ZNF407: variants seen among roughly 807,000 people sequenced by gnomAD.
ZNF407 encodes the protein zinc finger protein 407.
A neutral mutation model predicts 131.2 loss-of-function variants in ZNF407; 17 were observed. The observed-to-expected ratio is 0.13, with a 90% CI of 0.09 to 0.19. The LOEUF is 0.19. ZNF407 is among the 10% of genes least tolerant of loss of function. The probability of loss-of-function intolerance (pLI) is 1.00; values close to 1 mark genes in which losing one functional copy is unlikely to be tolerated. For missense variants in ZNF407, 2,681 were observed against 2,830.6 expected, an observed-to-expected ratio of 0.95 and a Z score of 1.20; for synonymous variants, 1,156 against 1,062.0, an observed-to-expected ratio of 1.09 and a Z score of -1.72.
chr18:75,031,417 CT>C (rs34614367), intron 8 of ZNF407, among the ~76,000 whole-genome samples: 1 of 151,864 alleles, frequency 6.6e-6, no homozygotes, highest in African/African-American at 2.4e-5. Flanking sequence ...GAAAATGGGT[CT>C]TTTTTTTATG....
Position 74,631,779 on chromosome 18 carries a change from T to G in ZNF407, c.760T>G (p.Ser254Ala), listed in dbSNP as rs1421813012. Residue 254 changes from serine to alanine, a missense_variant, in exon 2 of 9, where the codon TCA becomes GCA. Physicochemically the swap from Ser to Ala is moderately conservative, Grantham distance 99. This residue lies in a region of ZNF407 where 1,789 missense variants were observed against 1,748.7 expected (regional missense o/e 1.02). Coordinates refer to ENST00000299687, the MANE Select transcript of ZNF407 (RefSeq NM_017757.3). ...CTGTGATCTTTGTGGTTTTCAGTGT[T>G]CAGAAGAAAACTTGTTGAATGCACA... The part of the protein sequence containing the change: ...FSCDLCGFQC[S>A]EENLLNAHYL... 1.2e-6 allele frequency: 2 copies of G among 1,614,022 alleles called. No individual in the cohort carries two copies. The highest frequency in any genetic ancestry group is 2.2e-5 in the South Asian group (2 of 91,088).
chr18:74,667,042 C>A (rs1345294625), intron 3 of ZNF407, among the ~76,000 whole-genome samples: 1 of 152,178 alleles, frequency 6.6e-6, no homozygotes, highest in Non-Finnish European at 1.5e-5. Context: ...TCAGTCTTTC[C>A]TACTTTCTCT....
In ZNF407 at chr18:75,048,720, T is replaced by C. The variant is rs1973463041; in HGVS notation, c.5429-14430T>C. Among the ~76,000 whole-genome samples, 1 of 152,260 alleles carries C rather than the reference T, an allele frequency of 6.6e-6. No homozygotes were observed. Among genetic ancestry groups the C allele is most frequent in the South Asian group, 2.1e-4 (1 of 4,838 alleles). On this transcript the variant is annotated intron_variant, in intron 8 of 8. Coordinates refer to ENST00000299687, the MANE Select transcript of ZNF407 (RefSeq NM_017757.3). The surrounding 1 kb of genome is among the most constrained non-coding windows in gnomAD (Gnocchi z 4.1). ...AACTTTATAACTATGTTTAAAATGT[T>C]TGTTTTGTTTTAGAATGACAAGATA...
At chr18:74,988,884 G>T (rs1972685169) in intron 8 of ZNF407, among the ~76,000 whole-genome samples, 1 of 152,070 alleles carries the variant, frequency 6.6e-6, no homozygotes, top group African/African-American at 2.4e-5. Flanking sequence ...AGTGTGAAAT[G>T]GTACAGCCAC....
chr18:74,632,665 G>A lies in ZNF407; in HGVS notation c.1646G>A (p.Arg549Lys), dbSNP rs763449485. 4 of 1,614,032 alleles carry A rather than the reference G, an allele frequency of 2.5e-6. No individual in the cohort carries two copies. The highest frequency in any genetic ancestry group is 3.4e-6 in the Non-Finnish European group (4 of 1,179,902). The change falls in exon 2 of 9, where the codon AGG (arginine) becomes AAG (lysine). Residue 549 changes from arginine to lysine, a missense_variant. Arg to Lys is a conservative substitution (Grantham distance 26). Coordinates refer to ENST00000299687, the MANE Select transcript of ZNF407 (RefSeq NM_017757.3). ...NRTDLEIHVK[R>K]CHAREMKFYC... is the part of the protein sequence containing the mutation. ...ACAGATTTGGAAATCCATGTGAAAA[G>A]GTGCCATGCCAGAGAGATGAAATTT...
intron 7 of ZNF407, among the ~76,000 whole-genome samples, chr18:74,906,775 A>G (rs2011739471): frequency 6.8e-6 from 1 of 146,370 alleles, no homozygotes; most frequent in African/African-American, 2.4e-5. Context: ...TACTCTGTGT[A>G]TATATTTTAT....
intron 3 of ZNF407, among the ~76,000 whole-genome samples, chr18:74,673,282 G>T (rs924897714): frequency 6.6e-6 from 1 of 152,122 alleles, no homozygotes; most frequent in Non-Finnish European, 1.5e-5. Flanking sequence ...TCAGTTTCAC[G>T]ATTTTAACAC....
intron 3 of ZNF407, among the ~76,000 whole-genome samples, chr18:74,711,510 G>A (rs552644576): frequency 6.6e-6 from 1 of 152,304 alleles, no homozygotes; most frequent in East Asian, 1.9e-4. Context: ...GCCAGCAAGT[G>A]TGGGGGACTG....
chr18:74,704,271 CT>C (rs1436387548), intron 3 of ZNF407, among the ~76,000 whole-genome samples: 1 of 152,194 alleles, frequency 6.6e-6, no homozygotes, highest in African/African-American at 2.4e-5. Flanking sequence ...TTCGAAGCAT[CT>C]TGGCACAGGA....
intron 7 of ZNF407, among the ~76,000 whole-genome samples, chr18:74,906,283 C>T (rs1971594248): frequency 6.6e-6 from 1 of 152,172 alleles, no homozygotes; most frequent in Admixed American, 6.5e-5. Flanking sequence ...AGTATTCCTT[C>T]TGGTTTCCTA....
intron 4 of ZNF407, among the ~76,000 whole-genome samples, chr18:74,838,023 AC>A (rs1476262951): frequency 1.3e-5 from 2 of 152,148 alleles, no homozygotes; most frequent in African/African-American, 4.8e-5. Flanking sequence ...CATTTTTTCA[AC>A]ATTATTACTT....
intron 3 of ZNF407, among the ~76,000 whole-genome samples, chr18:74,676,570 G>A (rs567327632): frequency 6.6e-6 from 1 of 151,508 alleles, no homozygotes; most frequent in East Asian, 2.0e-4. Flanking sequence ...CCGAGTAGCT[G>A]GGACTACAGG....
chr18:74,906,455 C>T (rs906232463), intron 7 of ZNF407, among the ~76,000 whole-genome samples: 1 of 152,170 alleles, frequency 6.6e-6, no homozygotes, highest in Non-Finnish European at 1.5e-5. Context: ...ACATTCCTGG[C>T]AATGCTGTAC....
intron 3 of ZNF407, among the ~76,000 whole-genome samples, chr18:74,657,738 C>G (rs1015353341): frequency 6.6e-6 from 1 of 152,144 alleles, no homozygotes; most frequent in African/African-American, 2.4e-5. Context: ...TTACGCTGTA[C>G]TTGTTCCATG....
chr18:74,626,982 T>A (rs1983811781), intron 1 of ZNF407, among the ~76,000 whole-genome samples: 1 of 152,170 alleles, frequency 6.6e-6, no homozygotes, highest in African/African-American at 2.4e-5. Context: ...CTCTCCACTT[T>A]TCTCCTCTCC....
At chr18:74,800,347 G>A (rs1435447777) in intron 4 of ZNF407, among the ~76,000 whole-genome samples, 1 of 151,848 alleles carries the variant, frequency 6.6e-6, no homozygotes, top group Non-Finnish European at 1.5e-5. Context: ...CTCTTTTATT[G>A]TTTTAATTCA....
chr18:74,813,765 A>G (rs549732714), intron 4 of ZNF407, among the ~76,000 whole-genome samples: 32 of 152,254 alleles, frequency 2.1e-4, no homozygotes, highest in African/African-American at 7.2e-4. Flanking sequence ...CAGCTTACTC[A>G]GTATCTTGAA....
intron 8 of ZNF407, among the ~76,000 whole-genome samples, chr18:74,959,840 T>A (rs1352663086): frequency 2.6e-5 from 4 of 152,216 alleles, no homozygotes; most frequent in Admixed American, 6.5e-5. Context: ...ATCACAGACA[T>A]GGTGACATTG....
intron 1 of ZNF407, among the ~76,000 whole-genome samples, chr18:74,613,922 G>A (rs1408083645): frequency 6.6e-6 from 1 of 152,144 alleles, no homozygotes; most frequent in Non-Finnish European, 1.5e-5. Flanking sequence ...TGTAACCAAA[G>A]CCCAGCAGGC....
Sources: allele counts gnomAD v4.1 joint callset (sites outside exome capture counted in the v4.1 genomes callset), GRCh38; gene constraint gnomAD v4.1.1; regional missense constraint gnomAD v4.1.1; non-coding constraint Gnocchi (gnomAD v3.1); transcripts MANE v1.5; gene names NCBI Gene and HGNC (gene_info 2026-07-23, HGNC 2026-07-21).